Variants in ANO1 observed in about 807,000 individuals in gnomAD.
ANO1 encodes anoctamin 1.
In ANO1, 59 loss-of-function variants were observed where a neutral mutation model predicts 124.0. The observed-to-expected ratio is 0.48, with a 90% confidence interval of 0.39 to 0.59. The LOEUF (loss-of-function observed/expected upper bound fraction) is 0.59. Among genes scored for constraint, ANO1 ranks in the 20% least tolerant of loss-of-function variants. ANO1 has a pLI of 0.00. For missense variants in ANO1, 1,059 were observed against 1,328.0 expected, an observed-to-expected ratio of 0.80 and a Z score of 3.15; for synonymous variants, 529 against 532.0, an observed-to-expected ratio of 0.99 and a Z score of 0.08.
At chr11:70,105,955 A>G (rs904094253) in intron 5 of ANO1, among the ~76,000 whole-genome samples, 167 bp downstream of exon 5, 10 of 152,002 alleles carry the variant, frequency 6.6e-5, no homozygotes, top group African/African-American at 2.4e-4. Flanking sequence ...GGCCCAGGGG[A>G]TGGTCGTGCC....
chr11:70,094,586 A>C (rs1370643628), intron 2 of ANO1, among the ~76,000 whole-genome samples: 2 of 152,186 alleles, frequency 1.3e-5, no homozygotes, highest in African/African-American at 4.8e-5. Context: ...GGTAGGGCAG[A>C]ATTTCGATCC....
Position 70,104,064 on chromosome 11 carries a change from A to G in ANO1, c.606A>G (p.Thr202=). 1 of 1,612,908 alleles carries G rather than the reference A, an allele frequency of 6.2e-7. No homozygotes were observed. Among genetic ancestry groups the G allele is most frequent in the Non-Finnish European group, 8.5e-7 (1 of 1,179,514 alleles). The change falls in exon 4 of 26, where the codon ACA becomes ACG. Residue 202 remains threonine (T), a synonymous_variant. Coordinates refer to ENST00000355303, the MANE Select transcript of ANO1 (RefSeq NM_018043.7). ...KKINSVLQKI[T]DPIQPKVAEH... is the part of the protein sequence containing the mutation. The stretch of plus-strand genomic sequence containing the variant: ...TCAACTCTGTGCTCCAGAAAATCAC[A>G]GATCCCATCCAGCCCAAAGTGGCTG...
intron 8 of ANO1, among the ~76,000 whole-genome samples, chr11:70,122,514 C>T (rs2135471963): frequency 6.7e-6 from 1 of 148,728 alleles, no homozygotes; most frequent in African/African-American, 2.5e-5. Flanking sequence ...GTCTCCCTCA[C>T]CTCTCTCTGT....
chr11:70,009,387 C>T (rs1856549952), intron 1 of ANO1, among the ~76,000 whole-genome samples: 1 of 152,106 alleles, frequency 6.6e-6, no homozygotes. Flanking sequence ...TGACTGGAGT[C>T]CCTGGTGGCA....
At chr11:70,014,269 C>T (rs1400162810) in intron 1 of ANO1, among the ~76,000 whole-genome samples, 1 of 110,846 alleles carries the variant, frequency 9.0e-6, no homozygotes, top group Non-Finnish European at 1.8e-5. Context: ...TGCAACCCCC[C>T]CACCCCCCCA....
intron 1 of ANO1, among the ~76,000 whole-genome samples, chr11:70,062,926 T>TTTG (rs1202398873): frequency 1.3e-4 from 19 of 151,802 alleles, no homozygotes; most frequent in South Asian, 4.1e-4. Context: ...GTTGTTGTTG[T>TTTG]TTGTTGTTGT....
At chr11:70,000,160 A>G (rs561892110) in intron 1 of ANO1, among the ~76,000 whole-genome samples, 1 of 152,340 alleles carries the variant, frequency 6.6e-6, no homozygotes, top group Non-Finnish European at 1.5e-5. Context: ...ATAGCTACCC[A>G]AAATGAGCCC....
intron 4 of ANO1, among the ~76,000 whole-genome samples, chr11:70,104,880 C>G (rs940168260): frequency 6.6e-6 from 1 of 152,132 alleles, no homozygotes; most frequent in African/African-American, 2.4e-5. Context: ...GGTGCCTCAG[C>G]TCACAGGGGC....
chr11:69,995,833 G>A (rs1006494309), intron 1 of ANO1, among the ~76,000 whole-genome samples: 8 of 152,172 alleles, frequency 5.3e-5, no homozygotes, highest in South Asian at 2.1e-4. Flanking sequence ...CAGGCCGGGC[G>A]CAGTGGCTCA....
At chr11:70,015,538 T>C (rs77626887) in intron 1 of ANO1, 21,674 of 152,422 alleles carry the variant, frequency 0.14, 2,116 homozygotes, top group East Asian at 0.43. Context: ...CTGAGGGTGG[T>C]GGGACTGCAC....
upstream of ANO1, chr11:70,075,369 G>T (rs1215512667): frequency 6.6e-6 from 1 of 152,024 alleles, no homozygotes; most frequent in African/African-American, 2.4e-5. Flanking sequence ...CAAAGTGCTC[G>T]CTTCGGCAGC....
intron 11 of ANO1, among the ~76,000 whole-genome samples, chr11:70,136,055 T>A (rs1193743646): frequency 6.6e-6 from 1 of 152,194 alleles, no homozygotes; most frequent in African/African-American, 2.4e-5. Flanking sequence ...TGCAAGGTCG[T>A]CCTTTGAGAG....
At chr11:70,086,189 C>T (rs934856114) in intron 1 of ANO1, among the ~76,000 whole-genome samples, 5 of 152,234 alleles carry the variant, frequency 3.3e-5, no homozygotes, top group African/African-American at 9.6e-5. Flanking sequence ...GCTCTGTGGA[C>T]CATTAGCAGC....
At position 70,182,687 on chromosome 11, in the gene ANO1, G is replaced by A. The variant is rs764905487; in HGVS notation, c.2588+1G>A. Reference sequence around the variant, plus strand: ...TGGGCTACGAGGTGCAGATCTGCAGGTACTGCTCTCTGCTCCCCTCTTTGA... The same window carrying A: ...TGGGCTACGAGGTGCAGATCTGCAGATACTGCTCTCTGCTCCCCTCTTTGA... On this transcript the variant is annotated splice_donor_variant, in intron 24 of 25. Coordinates refer to ENST00000355303, the MANE Select transcript of ANO1 (RefSeq NM_018043.7). LOFTEE classifies it high-confidence loss of function. 6.4e-7 allele frequency: 1 copy of A among 1,569,978 alleles called. No individual in the cohort carries two copies. Among genetic ancestry groups the A allele is most frequent in the South Asian group, 1.2e-5 (1 of 84,124 alleles).
chr11:70,138,420 C>T (rs1436458406), intron 11 of ANO1, among the ~76,000 whole-genome samples: 1 of 149,776 alleles, frequency 6.7e-6, no homozygotes, highest in Non-Finnish European at 1.5e-5. Context: ...GCAGGAGAAT[C>T]GCTTGAACCC....
intron 14 of ANO1, among the ~76,000 whole-genome samples, chr11:70,154,132 G>C (rs576819862): frequency 1.8e-4 from 28 of 152,280 alleles, no homozygotes; most frequent in African/African-American, 6.5e-4. Flanking sequence ...GGCCTTGTCA[G>C]CCTCTAAAGG....
At chr11:70,035,869 G>A (rs1555004353) in intron 1 of ANO1, among the ~76,000 whole-genome samples, 1 of 152,040 alleles carries the variant, frequency 6.6e-6, no homozygotes, top group African/African-American at 2.4e-5. Context: ...CTTTTTTATG[G>A]CTGCATAGTA....
chr11:69,998,641 T>C (rs1162888846), intron 1 of ANO1, among the ~76,000 whole-genome samples: 1 of 152,128 alleles, frequency 6.6e-6, no homozygotes, highest in Non-Finnish European at 1.5e-5. Flanking sequence ...ATTAGGCCAT[T>C]CTCCCATTGC....
the ANO1 span, among the ~76,000 whole-genome samples, chr11:69,973,658 G>A: frequency 6.6e-6 from 1 of 152,100 alleles, no homozygotes; most frequent in African/African-American, 2.4e-5. Context: ...TGGATCACAA[G>A]GTCAGGAGTT....
Sources: gnomAD v4.1 joint callset for allele counts (sites outside exome capture counted in the v4.1 genomes callset) on GRCh38, gnomAD v4.1.1 for gene constraint, MANE v1.5 for transcripts, NCBI Gene and HGNC (gene_info 2026-07-23, HGNC 2026-07-21) for gene names.